Variants in CFAP77 observed in about 807,000 individuals in gnomAD.
CFAP77 encodes cilia and flagella associated protein 77, also known as cilia- and flagella-associated protein 77.
CFAP77 carries 25 observed loss-of-function variants against 31.1 expected under a neutral mutation model. The observed-to-expected ratio is 0.80, with a 90% CI of 0.59 to 1.12. CFAP77 has a LOEUF of 1.12. Ranked by LOEUF, CFAP77 falls within the 50% of genes most tolerant of loss-of-function variation. The probability of loss-of-function intolerance (pLI) is 0.00; values close to 1 mark genes in which losing one functional copy is unlikely to be tolerated. For synonymous variants in CFAP77, 151 were observed against 159.9 expected, an observed-to-expected ratio of 0.94 and a Z score of 0.42; for missense variants, 377 against 397.3, an observed-to-expected ratio of 0.95 and a Z score of 0.44.
At chr9:132,548,137 CAT>C (rs1279974447) in intron 5 of CFAP77, among the ~76,000 whole-genome samples, 1 of 152,092 alleles carries the variant, frequency 6.6e-6, no homozygotes, top group East Asian at 1.9e-4. Context: ...ACTTTAATAA[CAT>C]ATTGTTGGGC....
chr9:132,495,935 C>T lies in CFAP77; in HGVS notation c.196-2760C>T, dbSNP rs1409360952. On this transcript the variant is annotated intron_variant, in intron 1 of 5. Transcript: ENST00000393216. The surrounding 1 kb of genome is among the most constrained non-coding windows in gnomAD (Gnocchi z 4.2). ...GGTCTGTTGGTGTCTAGATCTTGGA[C>T]TTCCCAGCCTCCAGAACTTTGAGAA... Among the ~76,000 whole-genome samples, 1 of 152,236 alleles carries T rather than the reference C, an allele frequency of 6.6e-6. No homozygotes were observed. The highest frequency in any genetic ancestry group is 1.5e-5 in the Non-Finnish European group (1 of 68,044).
rs940487856 is a variant in CFAP77 at position 132,539,101 on chromosome 9, T to A, written c.630+1395T>A. Among the ~76,000 whole-genome samples the A allele has an allele frequency of 1.3e-5, 2 of 151,920 alleles. No homozygotes were observed. The highest frequency in any genetic ancestry group is 4.2e-4 in the South Asian group (2 of 4,818). Reference sequence around the variant, plus strand: ...GACTCCGTCTCGATAAAAAAATAAATAAATAAAAATAAATAAATAAAATAG... The same window carrying A: ...GACTCCGTCTCGATAAAAAAATAAAAAAATAAAAATAAATAAATAAAATAG... On this transcript the variant is annotated intron_variant, in intron 4 of 5. Transcript: ENST00000393216. The surrounding 1 kb of genome is among the most constrained non-coding windows in gnomAD (Gnocchi z 4.3).
Position 132,468,428 on chromosome 9 carries a change from C to T in CFAP77, c.196-30267C>T, listed in dbSNP as rs148198019. Among the ~76,000 whole-genome samples, 981 of 152,306 alleles carry T rather than the reference C, an allele frequency of 6.4e-3. 10 individuals carry two copies. Among genetic ancestry groups the T allele is most frequent in the African/African-American group, 0.022 (913 of 41,560 alleles). On this transcript the variant is annotated intron_variant, in intron 1 of 5. Transcript: ENST00000393216. The stretch of plus-strand genomic sequence containing the variant: ...ACTCCAGCACTTTCCACTCCAGCCT[C>T]ATTCCAGGATGCTTTCTCTGGAATA...
intron 1 of CFAP77, among the ~76,000 whole-genome samples, chr9:132,466,472 G>T (rs1012463757): frequency 6.6e-6 from 1 of 152,176 alleles, no homozygotes; most frequent in African/African-American, 2.4e-5. Context: ...ATGGGATGGG[G>T]ACATTCTGCA....
chr9:132,519,566 G>A (rs1350061644), intron 3 of CFAP77, among the ~76,000 whole-genome samples: 1 of 136,390 alleles, frequency 7.3e-6, no homozygotes, highest in African/African-American at 2.8e-5. Flanking sequence ...ATGGATGGAT[G>A]GATGGATAGA....
intron 1 of CFAP77, among the ~76,000 whole-genome samples, chr9:132,475,977 G>A (rs1851341098): frequency 6.6e-6 from 1 of 152,238 alleles, no homozygotes; most frequent in South Asian, 2.1e-4. Flanking sequence ...TGGATCATTT[G>A]CCGCTGCCTG....
Position 132,424,464 on chromosome 9 carries a change from C to T in CFAP77, c.195+13998C>T, listed in dbSNP as rs1180008734. On this transcript the variant is annotated intron_variant, in intron 1 of 5. Transcript: ENST00000393216. This position sits in a 1 kb window ranked among gnomAD's most constrained non-coding sequence, Gnocchi z 4.1. ...CTGGCCTGGCCTGGTCCAGAAAGAC[C>T]TGTGGAATTGCTGGAGGGCTGAGAA... is the stretch of plus-strand genomic sequence containing the variant. 6.6e-6 allele frequency among the ~76,000 whole-genome samples: 1 copy of T among 151,796 alleles called. No individual in the cohort carries two copies. Among genetic ancestry groups the T allele is most frequent in the African/African-American group, 2.4e-5 (1 of 41,364 alleles).
intron 1 of CFAP77, chr9:132,482,493 C>CGCAGTAGGTGTGCGG: frequency 8.9e-7 from 1 of 1,126,982 alleles, no homozygotes; most frequent in Non-Finnish European, 1.3e-6. Flanking sequence ...GGCTTCCGCA[C>CGCAGTAGGTGTGCGG]ACCTACTGCG....
chr9:132,541,128 A>G (rs531559294), intron 4 of CFAP77, among the ~76,000 whole-genome samples: 2 of 152,186 alleles, frequency 1.3e-5, no homozygotes, highest in African/African-American at 4.8e-5. Flanking sequence ...CACAGACCTC[A>G]GTGTCCTCCT....
chr9:132,529,446 A>G (rs1357272523), intron 3 of CFAP77, among the ~76,000 whole-genome samples: 3 of 130,194 alleles, frequency 2.3e-5, no homozygotes, highest in African/African-American at 8.0e-5. Flanking sequence ...AGCATGGCAC[A>G]TGTATACATA....
intron 1 of CFAP77, among the ~76,000 whole-genome samples, chr9:132,486,349 C>T (rs886817417): frequency 1.3e-5 from 2 of 151,686 alleles, no homozygotes; most frequent in Non-Finnish European, 2.9e-5. Flanking sequence ...GCCTCGGCCT[C>T]CCAAAGTGCT....
chr9:132,421,401 G>A (rs935782174), intron 1 of CFAP77, among the ~76,000 whole-genome samples: 3 of 152,130 alleles, frequency 2.0e-5, no homozygotes, highest in Admixed American at 1.3e-4. Flanking sequence ...GCAATTTTGG[G>A]ATCCCTCTTT....
intron 3 of CFAP77, among the ~76,000 whole-genome samples, chr9:132,525,316 G>T (rs189699560): frequency 6.6e-6 from 1 of 152,062 alleles, no homozygotes; most frequent in African/African-American, 2.4e-5. Context: ...CACCACGCTC[G>T]GCCCCAGTAT....
chr9:132,514,057 T>TCCCCC (rs1393641930), intron 3 of CFAP77, among the ~76,000 whole-genome samples: 1 of 63,724 alleles, frequency 1.6e-5, no homozygotes, highest in Non-Finnish European at 3.1e-5. Flanking sequence ...CCCCCCGTCT[T>TCCCCC]GTGTCCCTGA....
intron 5 of CFAP77, among the ~76,000 whole-genome samples, chr9:132,548,679 C>T (rs13286153): frequency 2.2e-4 from 28 of 128,766 alleles, no homozygotes; most frequent in Admixed American, 1.9e-3. Context: ...TGTTGGCTGG[C>T]GGGGGGGTCT....
chr9:132,459,875 T>G (rs1851018354), intron 1 of CFAP77, among the ~76,000 whole-genome samples: 2 of 151,604 alleles, frequency 1.3e-5, no homozygotes. Flanking sequence ...TGTGTATGTG[T>G]GAGTGTATGT....
At chr9:132,487,461 G>T (rs1406699683) in intron 1 of CFAP77, among the ~76,000 whole-genome samples, 1 of 152,162 alleles carries the variant, frequency 6.6e-6, no homozygotes, top group Non-Finnish European at 1.5e-5. Context: ...TAACTCTATT[G>T]TGTGGCTTTT....
At chr9:132,432,141 C>T (rs12339338) in intron 1 of CFAP77, among the ~76,000 whole-genome samples, 13,328 of 152,130 alleles carry the variant, frequency 0.088, 1,090 homozygotes, top group African/African-American at 0.23. Flanking sequence ...AAACACGGAG[C>T]CCAGGAACAC....
intron 5 of CFAP77, among the ~76,000 whole-genome samples, chr9:132,550,211 T>C (rs1247409772): frequency 6.6e-6 from 1 of 152,248 alleles, no homozygotes; most frequent in African/African-American, 2.4e-5. Context: ...TCCAGAGGCT[T>C]TTCTGTCTAA....
Sources: allele counts gnomAD v4.1 joint callset (sites outside exome capture counted in the v4.1 genomes callset), GRCh38; gene constraint gnomAD v4.1.1; non-coding constraint Gnocchi (gnomAD v3.1); transcripts MANE v1.5; gene names NCBI Gene and HGNC (gene_info 2026-07-23, HGNC 2026-07-21).